DSCAM: variants seen among roughly 807,000 people sequenced by gnomAD.
The protein encoded by DSCAM is cell adhesion molecule DSCAM.
A neutral mutation model predicts 217.7 loss-of-function variants in DSCAM; 47 were observed. The observed-to-expected ratio is 0.22, with a 90% CI of 0.17 to 0.28. The LOEUF is 0.28. Ranked by LOEUF, DSCAM falls within the 10% of genes least tolerant of loss-of-function variation. DSCAM has a pLI of 1.00. For synonymous variants in DSCAM, 1,056 were observed against 1,015.3 expected, an observed-to-expected ratio of 1.04 and a Z score of -0.76; for missense variants, 2,080 against 2,618.3, an observed-to-expected ratio of 0.79 and a Z score of 4.49.
intron 3 of DSCAM, among the ~76,000 whole-genome samples, chr21:40,486,516 G>GAGAGA (rs2076029952): frequency 6.6e-6 from 1 of 151,900 alleles, no homozygotes; most frequent in Non-Finnish European, 1.5e-5. Flanking sequence ...GAGAGGAGAG[G>GAGAGA]AGGGGATGGC....
intron 20 of DSCAM, among the ~76,000 whole-genome samples, chr21:40,116,442 AT>A (rs1601346958): frequency 6.6e-6 from 1 of 152,148 alleles, no homozygotes; most frequent in African/African-American, 2.4e-5. Flanking sequence ...CATGTCTGGG[AT>A]ATTTAGATGT....
chr21:40,266,297 G>A (rs1241876826), intron 11 of DSCAM, among the ~76,000 whole-genome samples: 1 of 152,096 alleles, frequency 6.6e-6, no homozygotes, highest in Non-Finnish European at 1.5e-5. Context: ...AAACCACAAT[G>A]AGATACGACC....
intron 3 of DSCAM, among the ~76,000 whole-genome samples, chr21:40,683,473 GAGAA>G (rs2090437709): frequency 6.6e-6 from 1 of 152,176 alleles, no homozygotes; most frequent in Non-Finnish European, 1.5e-5. Context: ...AGTAAAGACA[GAGAA>G]AGAAAGAAGT....
intron 4 of DSCAM, among the ~76,000 whole-genome samples, chr21:40,363,454 T>C (rs1174416537): frequency 6.6e-6 from 1 of 151,986 alleles, no homozygotes. Context: ...GGTTTCATCA[T>C]GTTAGCCAGG....
At chr21:40,114,396 T>G (rs968812155) in intron 20 of DSCAM, among the ~76,000 whole-genome samples, 58 of 151,454 alleles carry the variant, frequency 3.8e-4, no homozygotes, top group South Asian at 1.7e-3. Context: ...TCCTTACACC[T>G]TATACAAAAA....
At chr21:40,678,697 T>C (rs893872472) in intron 3 of DSCAM, among the ~76,000 whole-genome samples, 1 of 152,168 alleles carries the variant, frequency 6.6e-6, no homozygotes, top group African/African-American at 2.4e-5. Flanking sequence ...AGCATATTGA[T>C]CACTATTTGA....
chr21:40,790,384 G>A (rs577553033), intron 1 of DSCAM, among the ~76,000 whole-genome samples: 14 of 152,176 alleles, frequency 9.2e-5, no homozygotes, highest in African/African-American at 2.4e-4. Flanking sequence ...GTTTCGCCGT[G>A]TTGGCCAGGC....
At chr21:40,269,142 C>G (rs2073580456) in intron 11 of DSCAM, among the ~76,000 whole-genome samples, 1 of 152,148 alleles carries the variant, frequency 6.6e-6, no homozygotes, top group Non-Finnish European at 1.5e-5. Flanking sequence ...TTGGATGCCT[C>G]CAGCTGCAAA....
chr21:40,192,233 C>G (rs1009758095), intron 11 of DSCAM, among the ~76,000 whole-genome samples: 1 of 152,170 alleles, frequency 6.6e-6, no homozygotes, highest in Non-Finnish European at 1.5e-5. Context: ...AATCTACCTT[C>G]TCTCCCTGAT....
chr21:40,106,930 T>G (rs956540342), intron 20 of DSCAM, among the ~76,000 whole-genome samples: 10 of 152,020 alleles, frequency 6.6e-5, no homozygotes, highest in Non-Finnish European at 4.4e-5. Context: ...AGCTCCTGGA[T>G]TTGTTGATCC....
intron 1 of DSCAM, among the ~76,000 whole-genome samples, chr21:40,814,210 A>G (rs2091862577): frequency 6.6e-6 from 1 of 152,242 alleles, no homozygotes; most frequent in Non-Finnish European, 1.5e-5. Context: ...GGATGTGCCA[A>G]CTGTGTAATT....
chr21:40,692,027 G>A (rs972108081), intron 3 of DSCAM, among the ~76,000 whole-genome samples: 1 of 152,240 alleles, frequency 6.6e-6, no homozygotes, highest in Non-Finnish European at 1.5e-5. Flanking sequence ...ATACAGACAT[G>A]TCTAAAAAAG....
chr21:40,793,579 C>T (rs1229923566), intron 1 of DSCAM, among the ~76,000 whole-genome samples: 2 of 151,314 alleles, frequency 1.3e-5, no homozygotes, highest in Non-Finnish European at 2.9e-5. Flanking sequence ...AAGCCTCTGC[C>T]TCTTGGGTTC....
At chr21:40,473,147 A>G (rs537202195) in intron 3 of DSCAM, among the ~76,000 whole-genome samples, 1 of 152,370 alleles carries the variant, frequency 6.6e-6, no homozygotes, top group South Asian at 2.1e-4. Context: ...CCTGCAAGCA[A>G]GAATTGCCAG....
chr21:40,342,141 C>T lies in DSCAM; in HGVS notation c.1211-2726G>A, dbSNP rs377742053. Among the ~76,000 whole-genome samples the T allele has an allele frequency of 7.5e-4, 114 of 152,032 alleles. No individual in the cohort carries two copies. In the East Asian group the frequency reaches 0.01, roughly 14 times the overall value. On this transcript the variant is annotated intron_variant, in intron 6 of 32. Coordinates refer to ENST00000400454, the MANE Select transcript of DSCAM (RefSeq NM_001389.5). ...GGCCATTGTTATATTAGACTGTTTGCCTTTTTGTTTTTGATTTGTTGTGGA... is the reference window on the plus strand; with the variant it reads ...GGCCATTGTTATATTAGACTGTTTGTCTTTTTGTTTTTGATTTGTTGTGGA...
At position 40,371,338 on chromosome 21, in the gene DSCAM, C is replaced by A. The variant is rs187163389; in HGVS notation, c.509-2093G>T. ...ATTGTGTATAATGGAAACATTATTT[C>A]TCTTTCAATATATTTTGCATACTTA... On this transcript the variant is annotated intron_variant, in intron 3 of 32. Coordinates refer to ENST00000400454, the MANE Select transcript of DSCAM (RefSeq NM_001389.5). 1.1e-3 allele frequency among the ~76,000 whole-genome samples: 160 copies of A among 151,978 alleles called. 2 individuals carry two copies. The highest frequency in any genetic ancestry group is 0.01 in the Admixed American group (154 of 15,260).
At chr21:40,143,383 TA>T (rs1807269098) in intron 17 of DSCAM, among the ~76,000 whole-genome samples, 1 of 152,320 alleles carries the variant, frequency 6.6e-6, no homozygotes, top group Non-Finnish European at 1.5e-5. Flanking sequence ...ATTTAACGAC[TA>T]TTGCAATTAT....
chr21:40,414,780 C>T lies in DSCAM; in HGVS notation c.509-45535G>A, dbSNP rs544646531. Reference sequence around the variant, plus strand: ...TCATTACCTGCCGACATGAACCTGCCTAAGGCAACAAAGTGTTCTGATAAA... The same window carrying T: ...TCATTACCTGCCGACATGAACCTGCTTAAGGCAACAAAGTGTTCTGATAAA... On this transcript the variant is annotated intron_variant, in intron 3 of 32. Transcript: ENST00000400454. Among the ~76,000 whole-genome samples the T allele has an allele frequency of 1.8e-4, 28 of 152,170 alleles. 1 individual carries two copies. In the South Asian group the frequency reaches 5.4e-3, roughly 29 times the overall value.
chr21:40,632,398 T>C (rs750425754), intron 3 of DSCAM, among the ~76,000 whole-genome samples: 1 of 152,026 alleles, frequency 6.6e-6, no homozygotes, highest in Non-Finnish European at 1.5e-5. Flanking sequence ...TATATACATA[T>C]GCATACACAA....
Sources: gnomAD v4.1 joint callset for allele counts (sites outside exome capture counted in the v4.1 genomes callset) on GRCh38, gnomAD v4.1.1 for gene constraint, MANE v1.5 for transcripts, NCBI Gene and HGNC (gene_info 2026-07-23, HGNC 2026-07-21) for gene names.